FMN1: variants seen among roughly 807,000 people sequenced by gnomAD.
FMN1 encodes formin-1.
A neutral mutation model predicts 132.4 loss-of-function variants in FMN1; 110 were observed. That is an observed-to-expected ratio of 0.83 (90% CI 0.71 to 0.97). The LOEUF is 0.97. Ranked by LOEUF, FMN1 falls within the 50% of genes least tolerant of loss-of-function variation. The pLI is 0.00. For synonymous variants in FMN1, 722 were observed against 651.7 expected (o/e 1.11, Z -1.64); for missense variants, 1,792 against 1,705.3 (o/e 1.05, Z -0.90).
At chr15:33,112,676 ATT>A (rs1223201882) in intron 4 of FMN1, among the ~76,000 whole-genome samples, 1 of 152,054 alleles carries the variant, frequency 6.6e-6, no homozygotes, top group Non-Finnish European at 1.5e-5. Context: ...CATCTGGTGT[ATT>A]TTTTCACCAC....
At chr15:32,885,182 C>A (rs577823030) in intron 16 of FMN1, among the ~76,000 whole-genome samples, 74 of 152,336 alleles carry the variant, frequency 4.9e-4, no homozygotes, top group African/African-American at 1.8e-3. Flanking sequence ...ATTTGACAAT[C>A]CATCTACCTG....
chr15:32,860,564 G>A (rs2059245677), intron 16 of FMN1: 1 of 152,186 alleles, frequency 6.6e-6, no homozygotes, highest in Non-Finnish European at 1.5e-5. Flanking sequence ...GAGGTGAGAG[G>A]ATCACCTGAA....
At chr15:33,143,260 G>A (rs2140256307) in intron 4 of FMN1, among the ~76,000 whole-genome samples, 1 of 152,220 alleles carries the variant, frequency 6.6e-6, no homozygotes, top group Non-Finnish European at 1.5e-5. Flanking sequence ...GCAAAATAGG[G>A]TAACAGCATC....
At chr15:33,026,410 T>TCACA (rs71113496) in intron 6 of FMN1, among the ~76,000 whole-genome samples, 26,833 of 140,034 alleles carry the variant, frequency 0.19, 2,758 homozygotes, top group South Asian at 0.27. Flanking sequence ...GTCCAAATTT[T>TCACA]CACACACACA....
At chr15:33,095,117 G>A (rs982419542) in intron 4 of FMN1, among the ~76,000 whole-genome samples, 3 of 152,176 alleles carry the variant, frequency 2.0e-5, no homozygotes, top group Non-Finnish European at 2.9e-5. Context: ...GGAAGCTGAG[G>A]TGGGCAGATC....
At chr15:33,161,014 C>T (rs1038798333) in intron 3 of FMN1, among the ~76,000 whole-genome samples, 3 of 152,204 alleles carry the variant, frequency 2.0e-5, no homozygotes, top group African/African-American at 7.2e-5. Context: ...AAATAAGATT[C>T]AAGAATTAGT....
intron 4 of FMN1, among the ~76,000 whole-genome samples, chr15:33,127,035 T>C (rs1963150090): frequency 6.6e-6 from 1 of 152,058 alleles, no homozygotes; most frequent in Admixed American, 6.5e-5. Context: ...GCAAGATGCA[T>C]GTTGCAAAAA....
chr15:32,998,393 G>A (rs1461038379), intron 7 of FMN1, among the ~76,000 whole-genome samples: 1 of 152,166 alleles, frequency 6.6e-6, no homozygotes, highest in Non-Finnish European at 1.5e-5. Context: ...GGATTGAGTT[G>A]GGACAGATGC....
intron 17 of FMN1, among the ~76,000 whole-genome samples, chr15:32,825,086 T>C (rs1226062811): frequency 6.6e-6 from 1 of 152,196 alleles, no homozygotes; most frequent in Admixed American, 6.5e-5. Flanking sequence ...TTCGAAAACA[T>C]AGTCTTGAAT....
intron 3 of FMN1, among the ~76,000 whole-genome samples, chr15:33,176,189 A>G (rs1317940845): frequency 2.0e-5 from 3 of 152,136 alleles, no homozygotes; most frequent in Admixed American, 1.3e-4. Flanking sequence ...CCTGGCCAAC[A>G]TGGTGAAACC....
intron 18 of FMN1, among the ~76,000 whole-genome samples, chr15:32,801,178 G>A (rs2057465660): frequency 1.3e-5 from 2 of 152,118 alleles, no homozygotes; most frequent in Admixed American, 6.5e-5. Context: ...TGCACAGCCT[G>A]AGAAAAACAC....
At chr15:33,181,823 C>A (rs1054144368) in intron 2 of FMN1, among the ~76,000 whole-genome samples, 8 of 151,310 alleles carry the variant, frequency 5.3e-5, no homozygotes, top group African/African-American at 1.7e-4. Flanking sequence ...ATTCTCCTTC[C>A]TCAGCCTCCT....
intron 6 of FMN1, among the ~76,000 whole-genome samples, chr15:33,026,846 T>A (rs1207398380): frequency 6.6e-6 from 1 of 152,192 alleles, no homozygotes; most frequent in African/African-American, 2.4e-5. Context: ...CCCAGGTTTC[T>A]AAGGGAGACA....
intron 4 of FMN1, among the ~76,000 whole-genome samples, chr15:33,096,564 C>A (rs933838664): frequency 1.3e-5 from 2 of 152,022 alleles, no homozygotes; most frequent in Admixed American, 6.6e-5. Context: ...GTACTTTACT[C>A]CAGCACCGGA....
At chr15:32,787,260 G>A (rs1285949170) in intron 19 of FMN1, among the ~76,000 whole-genome samples, 1 of 152,132 alleles carries the variant, frequency 6.6e-6, no homozygotes, top group Non-Finnish European at 1.5e-5. Context: ...TTTCCAAAGG[G>A]TAGAAAAATA....
intron 10 of FMN1, among the ~76,000 whole-genome samples, chr15:32,920,867 T>G (rs781679596): frequency 1.3e-5 from 2 of 152,206 alleles, no homozygotes; most frequent in African/African-American, 2.4e-5. Context: ...TCTATAGACA[T>G]AGCTTCAGTT....
chr15:32,920,158 T>A (rs1264921099), intron 10 of FMN1, among the ~76,000 whole-genome samples: 1 of 152,114 alleles, frequency 6.6e-6, no homozygotes, highest in Non-Finnish European at 1.5e-5. Context: ...TCAAGAATAG[T>A]CAACAGCAAT....
intron 6 of FMN1, among the ~76,000 whole-genome samples, chr15:33,037,242 C>A (rs1445939323): frequency 6.6e-6 from 1 of 152,224 alleles, no homozygotes; most frequent in African/African-American, 2.4e-5. Context: ...TTTCCAGGTA[C>A]ATCACAACAG....
At chr15:33,056,448 T>G (rs2037219727) in intron 6 of FMN1, among the ~76,000 whole-genome samples, 1 of 152,098 alleles carries the variant, frequency 6.6e-6, no homozygotes, top group African/African-American at 2.4e-5. Context: ...CAAAGTGAGG[T>G]ACAGAAACAG....
Sources: allele counts gnomAD v4.1 joint callset (sites outside exome capture counted in the v4.1 genomes callset), GRCh38; gene constraint gnomAD v4.1.1; transcripts MANE v1.5; gene names NCBI Gene and HGNC (gene_info 2026-07-23, HGNC 2026-07-21).